The following CCDC91 variants were observed in gnomAD, a reference collection of about 807,000 sequenced individuals.
CCDC91 encodes the protein coiled-coil domain-containing protein 91.
In CCDC91, 48 loss-of-function variants were observed where a neutral mutation model predicts 63.2. The ratio of observed to expected loss-of-function variants is 0.76; its 90% CI spans 0.60 to 0.97. The LOEUF is 0.97. CCDC91 is among the 50% of genes least tolerant of loss of function. The pLI, the probability that CCDC91 is intolerant of heterozygous loss-of-function variation, is 0.00. For missense variants in CCDC91, 500 were observed against 494.6 expected (o/e 1.01, Z -0.10); for synonymous variants, 167 against 165.8 (o/e 1.01, Z -0.06).
chr12:28,433,227 A>G (rs1948724801), intron 8 of CCDC91, among the ~76,000 whole-genome samples: 1 of 151,822 alleles, frequency 6.6e-6, no homozygotes, highest in Non-Finnish European at 1.5e-5. Flanking sequence ...AATGAAGTTC[A>G]GCTTATCCCA....
chr12:28,417,640 T>TAC (rs1555208049), intron 8 of CCDC91, among the ~76,000 whole-genome samples: 1,503 of 112,098 alleles, frequency 0.013, 26 homozygotes, highest in East Asian at 0.089. Flanking sequence ...TATATATATA[T>TAC]ACACACACAC....
intron 8 of CCDC91, among the ~76,000 whole-genome samples, chr12:28,406,143 A>G (rs1946925630): frequency 6.6e-6 from 1 of 152,148 alleles, no homozygotes; most frequent in African/African-American, 2.4e-5. Flanking sequence ...TTTGTTACAT[A>G]GGTAAGCGTG....
intron 8 of CCDC91, among the ~76,000 whole-genome samples, chr12:28,392,742 G>C (rs1479654800): frequency 6.6e-6 from 1 of 152,146 alleles, no homozygotes; most frequent in Non-Finnish European, 1.5e-5. Context: ...AAATCTAAAA[G>C]TTCCATTCAG....
At chr12:28,199,418 A>G (rs570842302) in intron 1 of CCDC91, among the ~76,000 whole-genome samples, 2 of 152,196 alleles carry the variant, frequency 1.3e-5, no homozygotes, top group African/African-American at 4.8e-5. Context: ...ATCCATTAAC[A>G]CTGATTTATA....
chr12:28,191,296 G>A (rs899636459), intron 1 of CCDC91: 1 of 152,272 alleles, frequency 6.6e-6, no homozygotes, highest in Non-Finnish European at 1.5e-5. Flanking sequence ...TCACTTTAAG[G>A]AGTGGAACTC....
chr12:28,508,015 GGGCGTGACCTT>G (rs1378046099), intron 12 of CCDC91, among the ~76,000 whole-genome samples: 1 of 151,856 alleles, frequency 6.6e-6, no homozygotes, highest in Non-Finnish European at 1.5e-5. Context: ...CTCAGGAAGA[GGGCGTGACCTT>G]GGCCAAGGTA....
chr12:28,226,096 A>T (rs539320137), intron 1 of CCDC91: 1 of 152,096 alleles, frequency 6.6e-6, no homozygotes, highest in African/African-American at 2.4e-5. Flanking sequence ...ACATCTCCTT[A>T]TTGATTTAAC....
chr12:28,409,293 A>G (rs577075321), intron 8 of CCDC91, among the ~76,000 whole-genome samples: 1 of 152,194 alleles, frequency 6.6e-6, no homozygotes, highest in East Asian at 1.9e-4. Flanking sequence ...AAAATGTTGC[A>G]TTTTGTTGAA....
chr12:28,407,335 T>C (rs1947016294), intron 8 of CCDC91, among the ~76,000 whole-genome samples: 1 of 152,160 alleles, frequency 6.6e-6, no homozygotes, highest in African/African-American at 2.4e-5. Flanking sequence ...CAATCGACCA[T>C]ATATATGTGG....
chr12:28,366,798 T>A (rs1481219585), intron 7 of CCDC91, among the ~76,000 whole-genome samples: 1 of 152,074 alleles, frequency 6.6e-6, no homozygotes, highest in African/African-American at 2.4e-5. Context: ...GGATGGTTTG[T>A]GGGGAACAAT....
chr12:28,516,208 T>TA (rs890340084), intron 12 of CCDC91, among the ~76,000 whole-genome samples: 3 of 151,942 alleles, frequency 2.0e-5, no homozygotes, highest in Admixed American at 1.3e-4. Flanking sequence ...TTAATGATTT[T>TA]AAAAAAAATC....
intron 1 of CCDC91, among the ~76,000 whole-genome samples, chr12:28,195,811 A>G (rs1162269533): frequency 6.6e-6 from 1 of 152,212 alleles, no homozygotes; most frequent in African/African-American, 2.4e-5. Flanking sequence ...CCATTAATAA[A>G]ATACCTTTCC....
At chr12:28,354,914 A>AG (rs1185294824) in intron 6 of CCDC91, among the ~76,000 whole-genome samples, 1 of 152,190 alleles carries the variant, frequency 6.6e-6, no homozygotes, top group Non-Finnish European at 1.5e-5. Flanking sequence ...ACCACAAAGT[A>AG]GGGAGGATTT....
At chr12:28,516,759 G>A (rs550974240) in intron 12 of CCDC91, among the ~76,000 whole-genome samples, 34 of 151,970 alleles carry the variant, frequency 2.2e-4, no homozygotes, top group African/African-American at 8.0e-4. Context: ...GAAGGGGGCT[G>A]AACTCATTCT....
intron 3 of CCDC91, among the ~76,000 whole-genome samples, chr12:28,297,048 T>C (rs1377933558): frequency 1.3e-5 from 2 of 151,890 alleles, no homozygotes; most frequent in Non-Finnish European, 3.0e-5. Context: ...GGACCTGCAT[T>C]GGATAATAGG....
intron 6 of CCDC91, among the ~76,000 whole-genome samples, chr12:28,317,857 C>T (rs539541377): frequency 6.6e-6 from 1 of 151,806 alleles, no homozygotes; most frequent in Non-Finnish European, 1.5e-5. Flanking sequence ...TTTGCAGATA[C>T]TGATTACCAA....
intron 11 of CCDC91, among the ~76,000 whole-genome samples, chr12:28,481,144 G>A (rs1300911431): frequency 6.6e-6 from 1 of 151,952 alleles, no homozygotes; most frequent in African/African-American, 2.4e-5. Flanking sequence ...TGGATAGGAT[G>A]TTTCTGCATA....
chr12:28,341,957 CT>C (rs1942456750), intron 6 of CCDC91, among the ~76,000 whole-genome samples: 1 of 152,176 alleles, frequency 6.6e-6, no homozygotes. Flanking sequence ...ATTCCAGAAT[CT>C]GTGAATATGT....
chr12:28,193,996 GTCCTTTCATTTTCTT>G (rs1941510935), intron 1 of CCDC91, among the ~76,000 whole-genome samples: 1 of 152,156 alleles, frequency 6.6e-6, no homozygotes, highest in South Asian at 2.1e-4. Flanking sequence ...TCTGTAGTTT[GTCCTTTCATTTTCTT>G]AACAGTATCT....
Sources: allele counts gnomAD v4.1 joint callset (sites outside exome capture counted in the v4.1 genomes callset), GRCh38; gene constraint gnomAD v4.1.1; transcripts MANE v1.5; gene names NCBI Gene and HGNC (gene_info 2026-07-23, HGNC 2026-07-21).